The following CLIC4 variants were observed in gnomAD, a reference collection of about 807,000 sequenced individuals.
CLIC4 encodes the protein chloride intracellular channel protein 4.
In CLIC4, 13 loss-of-function variants were observed where a neutral mutation model predicts 24.6. The observed-to-expected ratio is 0.53, with a 90% confidence interval of 0.34 to 0.84. CLIC4 has a LOEUF of 0.84. CLIC4 is among the 40% of genes least tolerant of loss of function. CLIC4 has a pLI of 0.01. For missense variants in CLIC4, 227 were observed against 301.7 expected (o/e 0.75, Z 1.83); for synonymous variants, 104 against 111.3 (o/e 0.93, Z 0.41).
intron 1 of CLIC4, among the ~76,000 whole-genome samples, chr1:24,796,571 C>T (rs1438244684): frequency 6.6e-6 from 1 of 152,196 alleles, no homozygotes; most frequent in Admixed American, 6.5e-5. Flanking sequence ...CACTTGCCTA[C>T]AGTATTCAGT....
chr1:24,813,350 C>G (rs1488383190), intron 2 of CLIC4, among the ~76,000 whole-genome samples: 1 of 148,436 alleles, frequency 6.7e-6, no homozygotes, highest in Non-Finnish European at 1.5e-5. Context: ...CTGAAAAATA[C>G]CATTTCTTAT....
rs1639947339 is a variant in CLIC4, at chr1:24,841,886, A to T, written c.*949A>T. On this transcript the variant is annotated 3_prime_UTR_variant, in exon 6 of 6. Transcript: ENST00000374379. ...AGCAGTACAATGATTAGTAATGTAA[A>T]AATTAACACAGAAATTAACCTAAGG... 6.6e-6 allele frequency: 1 copy of T among 152,608 alleles called. No homozygotes were observed. The highest frequency in any genetic ancestry group is 2.1e-4 in the South Asian group (1 of 4,822). 9.5% of individuals were successfully genotyped at this position (152,608 alleles called of 1,614,324 possible).
intron 1 of CLIC4, chr1:24,777,982 T>C (rs1286969425): frequency 6.6e-6 from 1 of 152,244 alleles, no homozygotes; most frequent in African/African-American, 2.4e-5. Flanking sequence ...GTAAGTACTC[T>C]TTTTAAGTCT....
intron 1 of CLIC4, among the ~76,000 whole-genome samples, chr1:24,785,854 C>CAAAAAAAAAACA (rs1639259929): frequency 1.7e-5 from 1 of 58,854 alleles, no homozygotes; most frequent in East Asian, 5.0e-4. Flanking sequence ...GACTACAACT[C>CAAAAAAAAAACA]AAAAAAAAAA....
intron 2 of CLIC4, among the ~76,000 whole-genome samples, chr1:24,799,031 A>C (rs1345552802): frequency 2.0e-5 from 3 of 152,218 alleles, no homozygotes; most frequent in East Asian, 1.9e-4. Context: ...TTGGCCTCCC[A>C]AAGTGCCGAG....
At chr1:24,837,874 C>G (rs1402355405) in intron 4 of CLIC4, among the ~76,000 whole-genome samples, 1 of 152,174 alleles carries the variant, frequency 6.6e-6, no homozygotes, top group East Asian at 1.9e-4. Flanking sequence ...TCCTACCTAT[C>G]CTTTAAATGA....
intron 2 of CLIC4, among the ~76,000 whole-genome samples, chr1:24,808,843 A>AT (rs900575584): frequency 4.6e-5 from 7 of 151,310 alleles, no homozygotes; most frequent in East Asian, 1.9e-4. Flanking sequence ...CGCCTGACTA[A>AT]TTTTTTTTAT....
intron 1 of CLIC4, among the ~76,000 whole-genome samples, chr1:24,775,224 C>CTTTTT: frequency 3.8e-4 from 34 of 90,628 alleles, no homozygotes; most frequent in African/African-American, 9.1e-4. Flanking sequence ...TTCTTTCTTT[C>CTTTTT]TTTTTTTTTT....
At chr1:24,765,424 C>G (rs1442986520) in intron 1 of CLIC4, among the ~76,000 whole-genome samples, 2 of 152,104 alleles carry the variant, frequency 1.3e-5, no homozygotes, top group African/African-American at 2.4e-5. Context: ...TGGGAAAAAG[C>G]AAATGCCTAA....
chr1:24,785,016 A>AAG (rs1383023534), intron 1 of CLIC4, among the ~76,000 whole-genome samples: 1 of 151,400 alleles, frequency 6.6e-6, no homozygotes, highest in African/African-American at 2.4e-5. Context: ...AAAAAAAAAA[A>AAG]AAGAAAAAAG....
chr1:24,760,020 A>G (rs538522038), intron 1 of CLIC4, among the ~76,000 whole-genome samples: 1 of 152,180 alleles, frequency 6.6e-6, no homozygotes, highest in Non-Finnish European at 1.5e-5. Context: ...GTTGCATGTT[A>G]TATCTGCTAA....
intron 1 of CLIC4, among the ~76,000 whole-genome samples, chr1:24,792,893 C>G (rs1013480765): frequency 4.6e-5 from 7 of 152,242 alleles, no homozygotes; most frequent in Non-Finnish European, 8.8e-5. Flanking sequence ...TGCCCATGCT[C>G]AAGGACTGGC....
chr1:24,762,866 A>G (rs1158710661), intron 1 of CLIC4, among the ~76,000 whole-genome samples: 5 of 152,160 alleles, frequency 3.3e-5, no homozygotes, highest in Non-Finnish European at 7.4e-5. Flanking sequence ...AAAGGGGGAT[A>G]CATATGAAGG....
intron 1 of CLIC4, among the ~76,000 whole-genome samples, chr1:24,773,891 A>G (rs1190128886): frequency 1.3e-5 from 2 of 151,400 alleles, no homozygotes; most frequent in Non-Finnish European, 2.9e-5. Flanking sequence ...GAGCCATTGC[A>G]CCCAGCCAGA....
At chr1:24,788,712 C>A (rs1431881499) in intron 1 of CLIC4, among the ~76,000 whole-genome samples, 1 of 152,206 alleles carries the variant, frequency 6.6e-6, no homozygotes, top group African/African-American at 2.4e-5. Context: ...TCTAATACTT[C>A]TGAGAGACTT....
chr1:24,766,033 C>G (rs997681522), intron 1 of CLIC4, among the ~76,000 whole-genome samples: 21 of 151,810 alleles, frequency 1.4e-4, no homozygotes, highest in African/African-American at 5.1e-4. Context: ...GAGATGGAGT[C>G]TCGCTCTGTT....
intron 2 of CLIC4, among the ~76,000 whole-genome samples, chr1:24,812,729 C>A (rs1639626236): frequency 1.3e-5 from 2 of 151,698 alleles, no homozygotes; most frequent in African/African-American, 4.8e-5. Flanking sequence ...CTATTTCTTT[C>A]TTTTTTTTGA....
chr1:24,829,895 C>G (rs1294648881), intron 4 of CLIC4, among the ~76,000 whole-genome samples: 1 of 152,172 alleles, frequency 6.6e-6, no homozygotes, highest in African/African-American at 2.4e-5. Flanking sequence ...TCTTTAAATA[C>G]CCATTACCTC....
chr1:24,755,096 T>C (rs1256467977), intron 1 of CLIC4, among the ~76,000 whole-genome samples: 2 of 149,036 alleles, frequency 1.3e-5, no homozygotes, highest in East Asian at 4.0e-4. Flanking sequence ...AATTATAGGC[T>C]GGGCAAAATA....
Sources: gnomAD v4.1 joint callset for allele counts (sites outside exome capture counted in the v4.1 genomes callset) on GRCh38, gnomAD v4.1.1 for gene constraint, MANE v1.5 for transcripts, NCBI Gene and HGNC (gene_info 2026-07-23, HGNC 2026-07-21) for gene names.